DNAH7: variants seen among roughly 807,000 people sequenced by gnomAD.
DNAH7 encodes the protein axonemal beta dynein heavy chain 7.
DNAH7 carries 397 observed loss-of-function variants against 444.6 expected under a neutral mutation model. The ratio of observed to expected loss-of-function variants is 0.89; its 90% confidence interval spans 0.82 to 0.97. The LOEUF is 0.97. Ranked by LOEUF, DNAH7 falls within the 50% of genes least tolerant of loss-of-function variation. DNAH7 has a pLI of 0.00. For missense variants in DNAH7, 4,902 were observed against 4,800.8 expected (o/e 1.02, Z -0.62); for synonymous variants, 1,636 against 1,624.4 (o/e 1.01, Z -0.17).
At chr2:195,852,288 A>C (rs529560693) in intron 46 of DNAH7, among the ~76,000 whole-genome samples, 1 of 151,820 alleles carries the variant, frequency 6.6e-6, no homozygotes, top group Non-Finnish European at 1.5e-5. Context: ...AAAAAGAAAA[A>C]CACCACCACC....
Position 195,960,616 on chromosome 2 carries a change from A to G in DNAH7, c.2535T>C (p.Cys845=). The G allele has an allele frequency of 6.2e-7, 1 of 1,614,256 alleles. No homozygotes were observed. Among genetic ancestry groups the G allele is most frequent in the Non-Finnish European group, 8.5e-7 (1 of 1,180,040 alleles). The change falls in exon 18 of 65, where the codon TGT becomes TGC. Residue 845 remains cysteine, a synonymous_variant. Transcript: ENST00000312428. ...AGTGCCTGGGGCGCAAACCAGGATT[A>G]CAGATCACTTGAATGAGAGGAATGT... ...KQHIPLIQVI[C]NPGLRPRHWE...
At chr2:196,027,253 G>C (rs1464280825) in intron 6 of DNAH7, among the ~76,000 whole-genome samples, 3 of 151,874 alleles carry the variant, frequency 2.0e-5, no homozygotes, top group African/African-American at 7.2e-5. Context: ...AAAATGATTT[G>C]TTAGTTTTTC....
chr2:195,793,506 C>T (rs1695989570), intron 57 of DNAH7, among the ~76,000 whole-genome samples: 1 of 152,126 alleles, frequency 6.6e-6, no homozygotes, highest in Non-Finnish European at 1.5e-5. Flanking sequence ...CATCATCTAT[C>T]TGGGAGTAAC....
At chr2:195,929,333 C>G (rs1362180971) in intron 21 of DNAH7, among the ~76,000 whole-genome samples, 2 of 152,162 alleles carry the variant, frequency 1.3e-5, no homozygotes, top group Non-Finnish European at 2.9e-5. Flanking sequence ...CTATTCCTAT[C>G]AAGCTACCAA....
At position 196,045,735 on chromosome 2, in the gene DNAH7, T is replaced by C. The variant is rs185772478; in HGVS notation, c.398+1617A>G. ...AAATTAAATATGTAGTTTTAAATGT[T>C]AGGGTAACCATTAAAAGAACAGAAA... is the stretch of plus-strand genomic sequence containing the variant. On this transcript the variant is annotated intron_variant, in intron 5 of 64. Transcript: ENST00000312428. Among the ~76,000 whole-genome samples, 314 of 152,210 alleles carry C rather than the reference T, an allele frequency of 2.1e-3. 1 individual carries two copies. The highest frequency in any genetic ancestry group is 7.1e-3 in the African/African-American group (294 of 41,550).
chr2:195,827,496 G>A (rs560632812), intron 48 of DNAH7, among the ~76,000 whole-genome samples: 30 of 152,232 alleles, frequency 2.0e-4, no homozygotes, highest in African/African-American at 7.0e-4. Context: ...TGCCCAGGCT[G>A]CTCTTAAACT....
At chr2:195,763,444 T>C (rs1366540209) in intron 61 of DNAH7, among the ~76,000 whole-genome samples, 5 of 151,878 alleles carry the variant, frequency 3.3e-5, no homozygotes, top group Non-Finnish European at 7.4e-5. Flanking sequence ...AAAAGTTGAT[T>C]TTATGAAAAG....
intron 48 of DNAH7, among the ~76,000 whole-genome samples, chr2:195,826,982 C>T (rs538160790): frequency 6.6e-6 from 1 of 152,120 alleles, no homozygotes; most frequent in Non-Finnish European, 1.5e-5. Flanking sequence ...TGTTTCCTGG[C>T]AGTCACAAAT....
chr2:195,919,669 G>A (rs990284050), intron 24 of DNAH7, among the ~76,000 whole-genome samples: 7 of 152,106 alleles, frequency 4.6e-5, no homozygotes, highest in African/African-American at 7.2e-5. Flanking sequence ...TTTAAAGGAA[G>A]AGAATTAAAT....
intron 40 of DNAH7, among the ~76,000 whole-genome samples, chr2:195,868,819 G>C (rs535647250): frequency 1.3e-5 from 2 of 149,996 alleles, no homozygotes; most frequent in African/African-American, 4.9e-5. Context: ...AGAAGCCAAA[G>C]GGAATGAGTT....
chr2:195,851,678 G>A, intron 46 of DNAH7, among the ~76,000 whole-genome samples: 1 of 152,098 alleles, frequency 6.6e-6, no homozygotes, highest in Non-Finnish European at 1.5e-5. Context: ...TGGGAGGATG[G>A]TACATCTAGC....
At chr2:195,799,651 T>C (rs1213175968) in intron 54 of DNAH7, among the ~76,000 whole-genome samples, 179 bp from the exon 55 acceptor site, 1 of 152,142 alleles carries the variant, frequency 6.6e-6, no homozygotes, top group Non-Finnish European at 1.5e-5. Flanking sequence ...ATAGGAAATA[T>C]TATAAAATAT....
intron 10 of DNAH7, among the ~76,000 whole-genome samples, chr2:196,007,855 A>C (rs1694478651): frequency 6.6e-6 from 1 of 152,204 alleles, no homozygotes; most frequent in South Asian, 2.1e-4. Flanking sequence ...AGTCTCAGGT[A>C]TGTCTTTATT....
intron 5 of DNAH7, among the ~76,000 whole-genome samples, chr2:196,031,057 C>A (rs971434412): frequency 3.3e-5 from 5 of 152,236 alleles, no homozygotes; most frequent in African/African-American, 1.2e-4. Flanking sequence ...TCCATGAGGG[C>A]CCTGCCCTTG....
At chr2:195,807,840 T>C (rs1399456179) in intron 53 of DNAH7, among the ~76,000 whole-genome samples, 1 of 152,224 alleles carries the variant, frequency 6.6e-6, no homozygotes, top group African/African-American at 2.4e-5. Flanking sequence ...TACTTGTCTC[T>C]AGAAAACATT....
intron 53 of DNAH7, among the ~76,000 whole-genome samples, chr2:195,808,109 T>C (rs780667933): frequency 1.3e-5 from 2 of 151,932 alleles, no homozygotes; most frequent in Non-Finnish European, 2.9e-5. Flanking sequence ...ATAGAAAAAA[T>C]TAACTGGGAA....
intron 7 of DNAH7, among the ~76,000 whole-genome samples, chr2:196,026,376 T>C (rs1252723065): frequency 3.3e-5 from 5 of 152,160 alleles, no homozygotes; most frequent in Non-Finnish European, 7.3e-5. Context: ...TATTTAAATA[T>C]GTATGTCTTG....
Position 195,922,208 on chromosome 2 carries a change from T to C in DNAH7, c.3826-11A>G, listed in dbSNP as rs1046691047. On this transcript the variant is annotated splice_polypyrimidine_tract_variant and intron_variant, in intron 23 of 64. Coordinates refer to ENST00000312428, the MANE Select transcript of DNAH7 (RefSeq NM_018897.3). ...TTCTAAATGATTTTCCTAGGATAAA[T>C]CAAATAAAATGAAGTTAAACAATAA... 2 of 1,472,910 alleles carry C rather than the reference T, an allele frequency of 1.4e-6. No individual in the cohort carries two copies. The highest frequency in any genetic ancestry group is 1.9e-6 in the Non-Finnish European group (2 of 1,053,208). 91.2% of individuals were successfully genotyped at this position (1,472,910 alleles called of 1,614,324 possible). A position where few individuals can be genotyped will look rare whatever the true frequency, so the allele number is the denominator to read the frequency against.
intron 23 of DNAH7, among the ~76,000 whole-genome samples, chr2:195,922,406 G>A (rs1388986247): frequency 1.3e-5 from 2 of 152,052 alleles, no homozygotes; most frequent in African/African-American, 2.4e-5. Context: ...AAATATTTTA[G>A]TATTTGTCCC....
Sources: allele counts gnomAD v4.1 joint callset (sites outside exome capture counted in the v4.1 genomes callset), GRCh38; gene constraint gnomAD v4.1.1; transcripts MANE v1.5; gene names NCBI Gene and HGNC (gene_info 2026-07-23, HGNC 2026-07-21).